The following SYNM variants were observed in gnomAD, a reference collection of about 807,000 sequenced individuals.
The protein encoded by SYNM is desmuslin.
SYNM carries 95 observed loss-of-function variants against 104.0 expected under a neutral mutation model. The ratio of observed to expected loss-of-function variants is 0.91; its 90% confidence interval spans 0.77 to 1.08. The LOEUF (loss-of-function observed/expected upper bound fraction) is 1.08, where lower values mean the gene tolerates loss of function less well. Among genes scored for constraint, SYNM ranks in the 50% least tolerant of loss-of-function variants. The probability of loss-of-function intolerance (pLI) is 0.00; values close to 1 mark genes in which losing one functional copy is unlikely to be tolerated. For synonymous variants in SYNM, 918 were observed against 869.0 expected (o/e 1.06, Z -0.99); for missense variants, 2,150 against 2,052.2 (o/e 1.05, Z -0.92).
rs782056081 is a variant in SYNM at position 99,131,151 on chromosome 15, C to T, written c.2791C>T (p.His931Tyr). ...TVIEKEIKIPHEFHTSMKGIS... is the reference protein window; with the variant it reads ...TVIEKEIKIPYEFHTSMKGIS... The stretch of plus-strand genomic sequence containing the variant: ...CATTGAAAAAGAAATTAAAATACCC[C>T]ACGAATTCCACACCTCCATGAAGGG... Residue 931 changes from histidine (H) to tyrosine (Y), a missense_variant, in exon 4 of 4, where the codon CAC becomes TAC. Coordinates refer to ENST00000336292, the MANE Select transcript of SYNM (RefSeq NM_145728.3). The surrounding 1 kb of genome is among the most constrained non-coding windows in gnomAD (Gnocchi z 4.3). 1.9e-6 allele frequency: 3 copies of T among 1,601,444 alleles called. No individual in the cohort carries two copies. The highest frequency in any genetic ancestry group is 2.6e-6 in the Non-Finnish European group (3 of 1,173,868).
rs373105358 is a variant in SYNM at position 99,132,883 on chromosome 15, C to T, written c.4523C>T (p.Ser1508Phe). ...GCAGTTGGTGTGAGCTTTAAGGCCT[C>T]TGCTGGGGAAGGAGACCAGGCCCAC... ...DQAVGVSFKA[S>F]AGEGDQAHRE... Residue 1508 changes from serine (S) to phenylalanine (F), a missense_variant, in exon 4 of 4, where the codon TCT becomes TTT. By Grantham distance (155) the Ser-to-Phe change is radical. Transcript: ENST00000336292. 1.2e-6 allele frequency: 2 copies of T among 1,613,856 alleles called. No individual in the cohort carries two copies. The highest frequency in any genetic ancestry group is 1.1e-5 in the South Asian group (1 of 91,052).
At chr15:99,107,510 T>TG (rs1160840694) in intron 1 of SYNM, among the ~76,000 whole-genome samples, 3 of 152,176 alleles carry the variant, frequency 2.0e-5, no homozygotes, top group African/African-American at 7.2e-5. Context: ...GTTTAGAAAA[T>TG]GCTGCTTTGA....
chr15:99,121,020 A>C (rs2067395951), intron 2 of SYNM, among the ~76,000 whole-genome samples: 1 of 151,812 alleles, frequency 6.6e-6, no homozygotes, highest in Admixed American at 6.6e-5. Flanking sequence ...ATGAGAAGAG[A>C]TTTGCAAAGG....
chr15:99,138,914 A>G (rs1312481259), downstream of SYNM, among the ~76,000 whole-genome samples: 5 of 152,186 alleles, frequency 3.3e-5, no homozygotes, highest in Admixed American at 1.3e-4. Context: ...GGGCTGAGAA[A>G]GGACGTAGGG....
Position 99,105,099 on chromosome 15 carries a change from C to A in SYNM, c.-101C>A. ...CGTCCCAGTCTGCGGGCCTCCGGGGCAGCGGCGAGGCCGGAGCGTCGCGGC... is the reference window on the plus strand; with the variant it reads ...CGTCCCAGTCTGCGGGCCTCCGGGGAAGCGGCGAGGCCGGAGCGTCGCGGC... On this transcript the variant is annotated 5_prime_UTR_variant, in exon 1 of 4. Transcript: ENST00000336292. 1 of 1,355,484 alleles carries A rather than the reference C, an allele frequency of 7.4e-7. No individual in the cohort carries two copies. Among genetic ancestry groups the A allele is most frequent in the Non-Finnish European group, 9.9e-7 (1 of 1,010,050 alleles). 84.0% of individuals were successfully genotyped at this position (1,355,484 alleles called of 1,614,324 possible).
chr15:99,107,952 TTTTTTTTTTGG>T lies in SYNM; in HGVS notation c.810+1948_810+1958del, dbSNP rs1567273524. 5.1e-4 allele frequency among the ~76,000 whole-genome samples: 35 copies of T among 69,082 alleles called. No homozygotes were observed. In the South Asian group the frequency reaches 0.012, roughly 24 times the overall value. 45.3% of individuals were successfully genotyped at this position (69,082 alleles called of 152,430 possible). On this transcript the variant is annotated intron_variant, in intron 1 of 3. Coordinates refer to ENST00000336292, the MANE Select transcript of SYNM (RefSeq NM_145728.3). The stretch of plus-strand genomic sequence containing the variant: ...GTTTTTTTTTTTGTTTTTTGTTTTG[TTTTTTTTTTGG>T]TTTTGGTTTTGGTTTTGGTTTTGGT...
chr15:99,113,676 AG>A lies in SYNM; in HGVS notation c.898del (p.Val300Ter). ...DWLRDYQDLL[Q>X]VKTGLSLEVA... Reference sequence around the variant, plus strand: ...CTGCGGGACTATCAGGACCTCCTGCAGGTGAAGACCGGCCTCAGTCTGGAGG... The same window carrying A: ...CTGCGGGACTATCAGGACCTCCTGCAGTGAAGACCGGCCTCAGTCTGGAGG... On this transcript the variant is annotated frameshift_variant, in exon 2 of 4. Transcript: ENST00000336292. LOFTEE classifies it high-confidence loss of function. 2 of 1,613,584 alleles carry A rather than the reference AG, an allele frequency of 1.2e-6. No homozygotes were observed. The highest frequency in any genetic ancestry group is 2.2e-5 in the South Asian group (2 of 90,940).
chr15:99,108,650 C>G (rs1174115301), intron 1 of SYNM, among the ~76,000 whole-genome samples: 1 of 152,150 alleles, frequency 6.6e-6, no homozygotes, highest in Non-Finnish European at 1.5e-5. Context: ...AGTGCCCACA[C>G]CAGTGTTACG....
intron 1 of SYNM, among the ~76,000 whole-genome samples, chr15:99,113,259 T>C (rs2067316287): frequency 6.6e-6 from 1 of 152,160 alleles, no homozygotes; most frequent in Admixed American, 6.5e-5. Flanking sequence ...TAGTGACTGG[T>C]TTGAAGCACT....
At chr15:99,138,503 G>T (rs943399621), downstream of SYNM, among the ~76,000 whole-genome samples, 2 of 152,080 alleles carry the variant, frequency 1.3e-5, no homozygotes, top group African/African-American at 4.8e-5. Flanking sequence ...TAGTAGAGAC[G>T]AAGTTTTGCC....
downstream of SYNM, chr15:99,139,207 A>T (rs1443334161): frequency 2.1e-6 from 3 of 1,402,596 alleles, no homozygotes; most frequent in Admixed American, 3.9e-5. Flanking sequence ...ATGGGAAGTC[A>T]GCAAAACATT....
chr15:99,138,067 G>A, downstream of SYNM: 2 of 1,613,826 alleles, frequency 1.2e-6, no homozygotes, highest in Non-Finnish European at 1.7e-6. Flanking sequence ...GAGGGATGCT[G>A]GTGCAGAAGG....
Position 99,131,613 on chromosome 15 carries a change from G to A in SYNM, c.3253G>A (p.Gly1085Arg), listed in dbSNP as rs782510030. 1.2e-6 allele frequency: 2 copies of A among 1,610,288 alleles called. No homozygotes were observed. Among genetic ancestry groups the A allele is most frequent in the African/African-American group, 2.7e-5 (2 of 74,942 alleles). The change falls in exon 4 of 4, where the codon GGG becomes AGG. Residue 1085 changes from glycine (G) to arginine (R), a missense_variant. Transcript: ENST00000336292. This position sits in a 1 kb window ranked among gnomAD's most constrained non-coding sequence, Gnocchi z 4.3. Reference sequence around the variant, plus strand: ...TTCAGGCGAGAGCGAGGTTGCTGGTGGGGCCTCTCACAGCTCGGGACAGCG... The same window carrying A: ...TTCAGGCGAGAGCGAGGTTGCTGGTAGGGCCTCTCACAGCTCGGGACAGCG... Reference protein sequence around the residue: ...IPSGESEVAGGASHSSGQRTP... With the variant: ...IPSGESEVAGRASHSSGQRTP...
Position 99,130,355 on chromosome 15 carries a change from C to A in SYNM, c.1995C>A (p.Asp665Glu), listed in dbSNP as rs781937076. ...ETEASADSFP[D>E]TKVTYVDRKE... ...AAGCATCTGCTGATTCTTTTCCAGA[C>A]ACAAAAGTCACTTACGTGGACAGGA... is the stretch of plus-strand genomic sequence containing the variant. The change falls in exon 4 of 4, where the codon GAC (aspartate) becomes GAA (glutamate). Residue 665 changes from aspartate to glutamate, a missense_variant. By Grantham distance (45) the Asp-to-Glu change is conservative. Coordinates refer to ENST00000336292, the MANE Select transcript of SYNM (RefSeq NM_145728.3). 3.1e-6 allele frequency: 5 copies of A among 1,613,718 alleles called. No homozygotes were observed. The highest frequency in any genetic ancestry group is 1.7e-5 in the Admixed American group (1 of 59,996).
chr15:99,130,327 C>G lies in SYNM; in HGVS notation c.1967C>G (p.Thr656Arg), dbSNP rs1567283246. 6.2e-7 allele frequency: 1 copy of G among 1,613,818 alleles called. No homozygotes were observed. Among genetic ancestry groups the G allele is most frequent in the Non-Finnish European group, 8.5e-7 (1 of 1,179,816 alleles). The stretch of plus-strand genomic sequence containing the variant: ...AAGCAGTTCACTCAGTCTCCAGAGA[C>G]AGAAGCATCTGCTGATTCTTTTCCA... ...ILKQFTQSPETEASADSFPDT... is the reference protein window; with the variant it reads ...ILKQFTQSPEREASADSFPDT... The change falls in exon 4 of 4, where the codon ACA becomes AGA. Residue 656 changes from threonine to arginine, a missense_variant. Physicochemically the swap from Thr to Arg is moderately conservative, Grantham distance 71 (BLOSUM62 -1). Transcript: ENST00000336292.
intron 1 of SYNM, among the ~76,000 whole-genome samples, chr15:99,111,815 C>T (rs569679351): frequency 1.8e-4 from 28 of 152,298 alleles, no homozygotes; most frequent in African/African-American, 5.8e-4. Context: ...AAGGCTGAGG[C>T]GGGAGGATCA....
intron 2 of SYNM, among the ~76,000 whole-genome samples, chr15:99,123,942 G>A (rs1444700879): frequency 6.6e-6 from 1 of 152,264 alleles, no homozygotes; most frequent in African/African-American, 2.4e-5. Flanking sequence ...TTAGGGCCTG[G>A]CGCCTGGCCA....
chr15:99,124,963 G>A (rs1023574970), intron 2 of SYNM, among the ~76,000 whole-genome samples: 1 of 152,234 alleles, frequency 6.6e-6, no homozygotes, highest in African/African-American at 2.4e-5. Context: ...CAGGGCTGGT[G>A]CCTGTTTCGT....
chr15:99,131,331 G>A lies in SYNM; in HGVS notation c.2971G>A (p.Gly991Ser). The A allele has an allele frequency of 6.2e-7, 1 of 1,613,336 alleles. No homozygotes were observed. Among genetic ancestry groups the A allele is most frequent in the Non-Finnish European group, 8.5e-7 (1 of 1,179,750 alleles). The change falls in exon 4 of 4, where the codon GGT (glycine) becomes AGT (serine). Residue 991 changes from glycine (G) to serine (S), a missense_variant. Transcript: ENST00000336292. The surrounding 1 kb of genome is among the most constrained non-coding windows in gnomAD (Gnocchi z 4.3). The part of the protein sequence containing the change: ...SVSVDVKKVQ[G>S]AGGSSVTLVA... ...TTCCGTGGATGTCAAGAAGGTCCAGGGTGCTGGTGGCAGTTCCGTGACCCT... is the reference window on the plus strand; with the variant it reads ...TTCCGTGGATGTCAAGAAGGTCCAGAGTGCTGGTGGCAGTTCCGTGACCCT...
Sources: allele counts gnomAD v4.1 joint callset (sites outside exome capture counted in the v4.1 genomes callset), GRCh38; gene constraint gnomAD v4.1.1; non-coding constraint Gnocchi (gnomAD v3.1); transcripts MANE v1.5; gene names NCBI Gene and HGNC (gene_info 2026-07-23, HGNC 2026-07-21).